SCN9A: variants seen among roughly 807,000 people sequenced by gnomAD.
SCN9A encodes sodium channel protein type 9 subunit alpha.
SCN9A carries 131 observed loss-of-function variants against 187.0 expected under a neutral mutation model. The ratio of observed to expected loss-of-function variants is 0.70; its 90% CI spans 0.61 to 0.81. The LOEUF (loss-of-function observed/expected upper bound fraction) is 0.81. Ranked by LOEUF, SCN9A falls within the 30% of genes least tolerant of loss-of-function variation. The probability of loss-of-function intolerance (pLI) is 0.00; values close to 1 mark genes in which losing one functional copy is unlikely to be tolerated. For missense variants in SCN9A, 2,252 were observed against 2,396.6 expected (o/e 0.94, Z 1.26); for synonymous variants, 809 against 808.6 (o/e 1.00, Z -0.01).
At chr2:166,296,753 A>C (rs1698317211) in intron 7 of SCN9A, among the ~76,000 whole-genome samples, 1 of 152,186 alleles carries the variant, frequency 6.6e-6, no homozygotes, top group Non-Finnish European at 1.5e-5. Context: ...ACTTTACAAT[A>C]ATTTCTAAAC....
chr2:166,302,251 A>AT (rs1698587093), intron 7 of SCN9A: 7 of 143,704 alleles, frequency 4.9e-5, no homozygotes, highest in African/African-American at 2.1e-4. Context: ...TACAATCTTG[A>AT]TCATATCTTC....
intron 1 of SCN9A, among the ~76,000 whole-genome samples, chr2:166,316,349 T>A (rs1699107807): frequency 6.6e-6 from 1 of 152,188 alleles, no homozygotes; most frequent in African/African-American, 2.4e-5. Context: ...AATAGTGATA[T>A]TAGAGAGGTT....
intron 1 of SCN9A, among the ~76,000 whole-genome samples, chr2:166,371,202 C>T (rs190336684): frequency 2.4e-4 from 36 of 152,224 alleles, no homozygotes; most frequent in African/African-American, 8.7e-4. Flanking sequence ...TTTTTGCTTA[C>T]AGTAAGTTGT....
At chr2:166,237,972 A>G (rs1274981504) in intron 20 of SCN9A, 122 bp downstream of exon 20, 7 of 658,464 alleles carry the variant, frequency 1.1e-5, no homozygotes, top group Non-Finnish European at 7.7e-6. Flanking sequence ...ATAAACCTAT[A>G]GCCTGAAAAT....
In SCN9A at chr2:166,227,854, T is replaced by C; in HGVS notation, c.4207-131A>G. On this transcript the variant is annotated intron_variant, in intron 22 of 26. Transcript: ENST00000642356. ...AGTAAGTTTTGCTGTATTCAACATG[T>C]CCATTTAATGTAAAGATTTTTTTAA... is the stretch of plus-strand genomic sequence containing the variant. 1.4e-5 allele frequency: 9 copies of C among 634,614 alleles called. No individual in the cohort carries two copies. The South Asian group carries it at 1.7e-4, about 12-fold the overall frequency. The allele number at this position is 634,614 out of a possible 1,614,324, so 39.3% of individuals were successfully genotyped here. A position where few individuals can be genotyped will look rare whatever the true frequency, so the allele number is the denominator to read the frequency against.
intron 20 of SCN9A, among the ~76,000 whole-genome samples, chr2:166,233,818 G>A (rs547430923): frequency 6.6e-6 from 1 of 152,078 alleles, no homozygotes; most frequent in Admixed American, 6.5e-5. Context: ...ATAAAACTCA[G>A]GTCAAAATGA....
chr2:166,340,572 TTCTTTC>T (rs780357335), intron 1 of SCN9A, among the ~76,000 whole-genome samples: 5 of 109,692 alleles, frequency 4.6e-5, no homozygotes, highest in Admixed American at 9.0e-5. Flanking sequence ...CTTTCTTTCT[TTCTTTC>T]TTTCTTTCTT....
At chr2:166,226,220 A>G (rs1694835343) in intron 24 of SCN9A, among the ~76,000 whole-genome samples, 1 of 152,150 alleles carries the variant, frequency 6.6e-6, no homozygotes. Context: ...ATAAATAACT[A>G]CTTATAAAAT....
intron 17 of SCN9A, among the ~76,000 whole-genome samples, chr2:166,256,170 G>A (rs946201424): frequency 2.6e-5 from 4 of 151,018 alleles, no homozygotes; most frequent in African/African-American, 9.7e-5. Flanking sequence ...ATCATTCAGG[G>A]CCTTTATTTT....
intron 26 of SCN9A, among the ~76,000 whole-genome samples, chr2:166,203,703 C>T (rs1376331368): frequency 6.6e-6 from 1 of 151,890 alleles, no homozygotes; most frequent in Non-Finnish European, 1.5e-5. Flanking sequence ...ATATTGGAAA[C>T]TAAATATCAA....
chr2:166,294,556 C>T (rs976047463), intron 8 of SCN9A, 43 bp downstream of exon 8: 2 of 1,423,672 alleles, frequency 1.4e-6, no homozygotes, highest in Non-Finnish European at 2.0e-6. Context: ...TCTTTTCCTT[C>T]TCTTTCAGCC....
rs1382982009 is a variant in SCN9A at position 166,195,657 on chromosome 2, C to T, written c.*3015G>A. 6.6e-6 allele frequency: 1 copy of T among 152,154 alleles called. No individual in the cohort carries two copies. The highest frequency in any genetic ancestry group is 1.5e-5 in the Non-Finnish European group (1 of 68,030). 9.4% of individuals were successfully genotyped at this position (152,154 alleles called of 1,614,324 possible). ...TTGGGTTGTGATGTTCAACAATCAG[C>T]ATTTAAAAACAGCTCACAAGTCACC... On this transcript the variant is annotated 3_prime_UTR_variant, in exon 27 of 27. Transcript: ENST00000642356.
At chr2:166,264,993 T>C (rs1048797272) in intron 17 of SCN9A, among the ~76,000 whole-genome samples, 1 of 151,992 alleles carries the variant, frequency 6.6e-6, no homozygotes, top group African/African-American at 2.4e-5. Flanking sequence ...TTGATACATG[T>C]ATACATTATA....
At chr2:166,299,488 T>A (rs867440768) in intron 7 of SCN9A, among the ~76,000 whole-genome samples, 1 of 151,094 alleles carries the variant, frequency 6.6e-6, no homozygotes, top group African/African-American at 2.5e-5. Flanking sequence ...TTCTACAATA[T>A]GTTTTCTTCT....
At chr2:166,251,675 AC>A (rs1696042676) in intron 18 of SCN9A, 89 bp downstream of exon 18, 1 of 1,398,452 alleles carries the variant, frequency 7.2e-7, no homozygotes, top group South Asian at 1.2e-5. Flanking sequence ...CTTCTGACTT[AC>A]CGACAACCTC....
chr2:166,323,038 A>G (rs1003135646), intron 1 of SCN9A, among the ~76,000 whole-genome samples: 3 of 152,112 alleles, frequency 2.0e-5, no homozygotes, highest in African/African-American at 4.8e-5. Flanking sequence ...CCATCATTTC[A>G]CCTTTGTTGT....
intron 1 of SCN9A, among the ~76,000 whole-genome samples, chr2:166,337,528 C>T (rs1393670711): frequency 2.6e-5 from 4 of 151,970 alleles, no homozygotes; most frequent in South Asian, 2.1e-4. Flanking sequence ...TTAAGAAAGA[C>T]GTGTACATAA....
At chr2:166,272,912 G>A in intron 16 of SCN9A, 37 bp from the exon 17 acceptor site, 1 of 897,418 alleles carries the variant, frequency 1.1e-6, no homozygotes, top group East Asian at 2.7e-5. Context: ...GAGAAATAGG[G>A]AGACAGGAAA....
At chr2:166,274,509 T>C (rs1429230120) in intron 16 of SCN9A, among the ~76,000 whole-genome samples, 3 of 151,968 alleles carry the variant, frequency 2.0e-5, no homozygotes, top group Non-Finnish European at 4.4e-5. Flanking sequence ...ATTAGAGAAA[T>C]ATAAAAAAAG....
Sources: gnomAD v4.1 joint callset for allele counts (sites outside exome capture counted in the v4.1 genomes callset) on GRCh38, gnomAD v4.1.1 for gene constraint, MANE v1.5 for transcripts, NCBI Gene and HGNC (gene_info 2026-07-23, HGNC 2026-07-21) for gene names.